SNX29: variants seen among roughly 807,000 people sequenced by gnomAD.
The protein encoded by SNX29 is sorting nexin 29.
Under a neutral mutation model 102.1 loss-of-function variants are expected in SNX29, and 78 were observed. The ratio of observed to expected loss-of-function variants is 0.76; its 90% CI spans 0.64 to 0.92. The LOEUF (loss-of-function observed/expected upper bound fraction) is 0.92, where lower values mean the gene tolerates loss of function less well. Among genes scored for constraint, SNX29 ranks in the 40% least tolerant of loss-of-function variants. The pLI is 0.00. For synonymous variants in SNX29, 580 were observed against 414.5 expected (o/e 1.40, Z -4.85); for missense variants, 1,280 against 1,061.7 (o/e 1.21, Z -2.86).
Position 12,570,186 on chromosome 16 carries a change from G to A in SNX29, c.*1557G>A, listed in dbSNP as rs2079156939. On this transcript the variant is annotated 3_prime_UTR_variant, in exon 21 of 21. Transcript: ENST00000566228. ...CCCCCACCCCAGAGAAACCGAGTCAGCCTACATGACTTCCAAGGGGACCTG... is the reference window on the plus strand; with the variant it reads ...CCCCCACCCCAGAGAAACCGAGTCAACCTACATGACTTCCAAGGGGACCTG... 9 of 1,065,242 alleles carry A rather than the reference G, an allele frequency of 8.4e-6. No homozygotes were observed. Among genetic ancestry groups the A allele is most frequent in the South Asian group, 4.5e-5 (1 of 22,016 alleles). 66.0% of individuals were successfully genotyped at this position (1,065,242 alleles called of 1,614,324 possible).
chr16:12,245,480 T>A (rs1191726685), intron 14 of SNX29, among the ~76,000 whole-genome samples: 1 of 150,998 alleles, frequency 6.6e-6, no homozygotes, highest in Non-Finnish European at 1.5e-5. Flanking sequence ...GACAACTGCC[T>A]AGATTTTTTT....
chr16:12,568,630 C>A lies in SNX29; in HGVS notation c.*1C>A. ...GGAGCCCCAGAGCGGTGACCTCTGACCTCGACAAAACCGCAGCCACGGGCC... is the reference window on the plus strand; with the variant it reads ...GGAGCCCCAGAGCGGTGACCTCTGAACTCGACAAAACCGCAGCCACGGGCC... On this transcript the variant is annotated 3_prime_UTR_variant, in exon 21 of 21. Transcript: ENST00000566228. The A allele has an allele frequency of 6.2e-7, 1 of 1,602,552 alleles. No homozygotes were observed. The highest frequency in any genetic ancestry group is 8.5e-7 in the Non-Finnish European group (1 of 1,179,754).
intron 13 of SNX29, among the ~76,000 whole-genome samples, chr16:12,181,306 G>C (rs2141835111): frequency 6.6e-6 from 1 of 152,308 alleles, no homozygotes; most frequent in East Asian, 1.9e-4. Flanking sequence ...GCATGGTTGG[G>C]TTTTATACGT....
At chr16:12,013,518 T>A (rs1406536680) in intron 3 of SNX29, among the ~76,000 whole-genome samples, 1,158 of 93,598 alleles carry the variant, frequency 0.012, 111 homozygotes, top group South Asian at 0.042. Context: ...TATATATATA[T>A]ATATATATAT....
intron 15 of SNX29, among the ~76,000 whole-genome samples, chr16:12,309,207 G>A (rs2080450034): frequency 6.6e-6 from 1 of 152,202 alleles, no homozygotes; most frequent in African/African-American, 2.4e-5. Context: ...TTTGAGTTGG[G>A]TTCAGGACAA....
intron 18 of SNX29, among the ~76,000 whole-genome samples, chr16:12,439,793 C>T (rs2085716671): frequency 6.6e-6 from 1 of 152,320 alleles, no homozygotes; most frequent in East Asian, 1.9e-4. Context: ...GACTCAGTTT[C>T]CCACTTTTCT....
chr16:12,364,161 T>TTA (rs1555520016), intron 16 of SNX29, among the ~76,000 whole-genome samples: 1 of 138,384 alleles, frequency 7.2e-6, no homozygotes, highest in Admixed American at 7.4e-5. Flanking sequence ...CCTGGCTTGT[T>TTA]TGTTATGTTA....
At chr16:12,485,782 G>T (rs2088199553) in intron 19 of SNX29, among the ~76,000 whole-genome samples, 2 of 152,208 alleles carry the variant, frequency 1.3e-5, no homozygotes, top group African/African-American at 4.8e-5. Context: ...GAGTCCTCAG[G>T]AGCTATATGA....
intron 20 of SNX29, among the ~76,000 whole-genome samples, chr16:12,562,266 C>T (rs1217193639): frequency 6.6e-6 from 1 of 152,140 alleles, no homozygotes; most frequent in Non-Finnish European, 1.5e-5. Context: ...AGCAGCATCC[C>T]CATGGGCCAC....
At chr16:12,343,291 T>C (rs534761602) in intron 15 of SNX29, among the ~76,000 whole-genome samples, 23 of 152,292 alleles carry the variant, frequency 1.5e-4, no homozygotes, top group Non-Finnish European at 2.6e-4. Context: ...GGGTGAAATG[T>C]TTTCCAGAAA....
intron 14 of SNX29, among the ~76,000 whole-genome samples, chr16:12,249,015 G>C (rs552707045): frequency 2.0e-5 from 3 of 152,218 alleles, no homozygotes; most frequent in African/African-American, 4.8e-5. Flanking sequence ...GTCTCTGATA[G>C]TAAGGAGATG....
intron 20 of SNX29, among the ~76,000 whole-genome samples, chr16:12,547,879 C>T (rs775115169): frequency 1.3e-5 from 2 of 152,170 alleles, no homozygotes; most frequent in Non-Finnish European, 2.9e-5. Context: ...CTTCCTTCAG[C>T]AGCAGTTCTA....
chr16:12,452,404 G>C (rs1384198724), intron 18 of SNX29, among the ~76,000 whole-genome samples: 1 of 19,590 alleles, frequency 5.1e-5, no homozygotes, highest in Non-Finnish European at 8.1e-5. Flanking sequence ...GCCGTCAAAT[G>C]GTAAGTGCTC....
At chr16:12,160,966 A>T (rs946875322) in intron 13 of SNX29, among the ~76,000 whole-genome samples, 2 of 152,164 alleles carry the variant, frequency 1.3e-5, no homozygotes, top group Non-Finnish European at 2.9e-5. Flanking sequence ...TGATTTCGAG[A>T]TATGCAAATC....
At chr16:12,423,390 C>T (rs77490488) in intron 18 of SNX29, among the ~76,000 whole-genome samples, 1,689 of 152,196 alleles carry the variant, frequency 0.011, 39 homozygotes, top group African/African-American at 0.038. Flanking sequence ...GGCATCACTT[C>T]CAGATGAGGA....
In SNX29 at chr16:12,567,948, G is replaced by C. The variant is rs72775248; in HGVS notation, c.2319-558G>C. Among the ~76,000 whole-genome samples the C allele has an allele frequency of 9.6e-3, 1,464 of 152,278 alleles. 14 individuals are homozygous for C. The highest frequency in any genetic ancestry group is 0.013 in the Non-Finnish European group (858 of 68,034). ...GTGTGTTCGCGTTGCTTCAGAACCA[G>C]GATCAGTGTCCCCCTCTTGGTGTTA... On this transcript the variant is annotated intron_variant, in intron 20 of 20. Coordinates refer to ENST00000566228, the MANE Select transcript of SNX29 (RefSeq NM_032167.5).
chr16:12,358,632 T>C (rs1194886396), intron 16 of SNX29, among the ~76,000 whole-genome samples: 1 of 152,146 alleles, frequency 6.6e-6, no homozygotes, highest in African/African-American at 2.4e-5. Context: ...AGACCCCCAT[T>C]TCAGAAGGGG....
At chr16:12,426,946 C>T (rs936257515) in intron 18 of SNX29, among the ~76,000 whole-genome samples, 1 of 152,132 alleles carries the variant, frequency 6.6e-6, no homozygotes, top group African/African-American at 2.4e-5. Context: ...GATTACAGGG[C>T]CCGAGCCACC....
chr16:12,391,249 C>T (rs1315304709), intron 16 of SNX29, among the ~76,000 whole-genome samples: 1 of 152,198 alleles, frequency 6.6e-6, no homozygotes, highest in Non-Finnish European at 1.5e-5. Flanking sequence ...CCCAGCCTTA[C>T]AAATTATCAT....
Sources: gnomAD v4.1 joint callset for allele counts (sites outside exome capture counted in the v4.1 genomes callset) on GRCh38, gnomAD v4.1.1 for gene constraint, MANE v1.5 for transcripts, NCBI Gene and HGNC (gene_info 2026-07-23, HGNC 2026-07-21) for gene names.